Variants in PCMTD1 observed in about 807,000 individuals in gnomAD.
PCMTD1 encodes protein-L-isoaspartate (D-aspartate) O-methyltransferase domain containing 1.
PCMTD1 carries 12 observed loss-of-function variants against 37.6 expected under a neutral mutation model. That is an observed-to-expected ratio of 0.32 (90% CI 0.20 to 0.52). PCMTD1 has a LOEUF of 0.52. Among genes scored for constraint, PCMTD1 ranks in the 20% least tolerant of loss-of-function variants. The pLI is 0.97. For missense variants in PCMTD1, 235 were observed against 421.3 expected, an observed-to-expected ratio of 0.56 and a Z score of 3.87; for synonymous variants, 117 against 135.8, an observed-to-expected ratio of 0.86 and a Z score of 0.96.
Position 51,820,485 on chromosome 8 carries a change from CTTT to C in PCMTD1, c.937_939del (p.Lys313del). 4 of 1,614,036 alleles carry C rather than the reference CTTT, an allele frequency of 2.5e-6. No individual in the cohort carries two copies. Among genetic ancestry groups the C allele is most frequent in the African/African-American group, 1.3e-5 (1 of 75,064 alleles). ...TCATTGTGATCTTTTTCCTCCTCTT[CTTT>C]GTTATCCTCTTCCATTTTTTCATCC... is the stretch of plus-strand genomic sequence containing the variant. On this transcript the variant is annotated inframe_deletion, in exon 6 of 6. Coordinates refer to ENST00000522514, the MANE Select transcript of PCMTD1 (RefSeq NM_052937.4).
chr8:51,868,614 T>C (rs2038593808), intron 1 of PCMTD1, among the ~76,000 whole-genome samples: 1 of 151,938 alleles, frequency 6.6e-6, no homozygotes, highest in Admixed American at 6.6e-5. Flanking sequence ...ATATGGAAAA[T>C]TTCCTAAGGA....
intron 1 of PCMTD1, 123 bp from the exon 2 acceptor site, chr8:51,861,369 T>C (rs1189441014): frequency 1.5e-5 from 11 of 713,312 alleles, no homozygotes; most frequent in Non-Finnish European, 2.1e-5. Flanking sequence ...TGCTCCAGCA[T>C]AGTGTTAAAC....
chr8:51,867,917 T>A lies in PCMTD1; in HGVS notation c.-95-6671A>T, dbSNP rs974605383. On this transcript the variant is annotated intron_variant, in intron 1 of 5. Coordinates refer to ENST00000522514, the MANE Select transcript of PCMTD1 (RefSeq NM_052937.4). ...AATCTTTACAGAATGGTGACTATAA[T>A]AAATCACAATGCACTGTGTTATCTG... Among the ~76,000 whole-genome samples the A allele has an allele frequency of 2.0e-5, 3 of 152,214 alleles. No individual in the cohort carries two copies. In the East Asian group the frequency reaches 5.8e-4, roughly 29 times the overall value.
chr8:51,883,512 G>T (rs2038821817), intron 1 of PCMTD1, among the ~76,000 whole-genome samples: 1 of 152,108 alleles, frequency 6.6e-6, no homozygotes, highest in Non-Finnish European at 1.5e-5. Flanking sequence ...AATTATTAAT[G>T]CAATATTAAA....
intron 3 of PCMTD1, among the ~76,000 whole-genome samples, chr8:51,835,128 T>G (rs750626749): frequency 6.6e-6 from 1 of 152,198 alleles, no homozygotes; most frequent in Non-Finnish European, 1.5e-5. Flanking sequence ...CGTACTACTC[T>G]GCAGGCAGAC....
At position 51,818,626 on chromosome 8, in the gene PCMTD1, AG is replaced by A. The variant is rs1474204016; in HGVS notation, c.*1724del. ...AAAATGATATGGGGCATTTCTTAAC[AG>A]TTTAGTAATCGTCTAAGAATAATTG... On this transcript the variant is annotated 3_prime_UTR_variant, in exon 6 of 6. Coordinates refer to ENST00000522514, the MANE Select transcript of PCMTD1 (RefSeq NM_052937.4). 1 of 152,332 alleles carries A rather than the reference AG, an allele frequency of 6.6e-6. No individual in the cohort carries two copies. The highest frequency in any genetic ancestry group is 1.5e-5 in the Non-Finnish European group (1 of 68,078). The allele number at this position is 152,332 out of a possible 1,614,324, so 9.4% of individuals were successfully genotyped here.
chr8:51,851,410 T>C lies in PCMTD1; in HGVS notation c.308-5647A>G, dbSNP rs190612386. ...ACCAAGGCCCTAAGTAAACCATATC[T>C]CTAAAATGTCGAAATATCAACAACA... On this transcript the variant is annotated intron_variant, in intron 2 of 5. Transcript: ENST00000522514. Among the ~76,000 whole-genome samples, 4 of 152,318 alleles carry C rather than the reference T, an allele frequency of 2.6e-5. No individual in the cohort carries two copies. The East Asian group carries it at 7.7e-4, about 29-fold the overall frequency.
rs905803422 is a variant in PCMTD1, at chr8:51,898,936, C to T, written c.-102G>A. Reference sequence around the variant, plus strand: ...CCACTGGCGGCGGCGTTACCTGTGGCGCGGGCAGCGGCGCGCAGGCCAGGC... The same window carrying T: ...CCACTGGCGGCGGCGTTACCTGTGGTGCGGGCAGCGGCGCGCAGGCCAGGC... On this transcript the variant is annotated 5_prime_UTR_variant, in exon 1 of 6. Transcript: ENST00000522514. 25 of 1,387,716 alleles carry T rather than the reference C, an allele frequency of 1.8e-5. No individual in the cohort carries two copies. The African/African-American group carries it at 3.2e-4, about 18-fold the overall frequency. The allele number at this position is 1,387,716 out of a possible 1,614,324, so 86.0% of individuals were successfully genotyped here.
chr8:51,841,414 G>A (rs7834322), intron 3 of PCMTD1, among the ~76,000 whole-genome samples: 6,533 of 152,118 alleles, frequency 0.043, 463 homozygotes, highest in African/African-American at 0.14. Context: ...TACTGACACT[G>A]TCATACTTTC....
At chr8:51,881,441 G>A (rs1378527009) in intron 1 of PCMTD1, among the ~76,000 whole-genome samples, 1 of 152,070 alleles carries the variant, frequency 6.6e-6, no homozygotes, top group Non-Finnish European at 1.5e-5. Flanking sequence ...AGAAAAACAG[G>A]TCATAAGACA....
At chr8:51,836,566 TAAATA>T (rs1402509445) in intron 3 of PCMTD1, among the ~76,000 whole-genome samples, 1 of 152,156 alleles carries the variant, frequency 6.6e-6, no homozygotes, top group East Asian at 1.9e-4. Flanking sequence ...ATACATTTAT[TAAATA>T]AATGAACTAA....
At chr8:51,868,333 C>T (rs2038589815) in intron 1 of PCMTD1, among the ~76,000 whole-genome samples, 1 of 152,056 alleles carries the variant, frequency 6.6e-6, no homozygotes, top group Non-Finnish European at 1.5e-5. Flanking sequence ...GAAAGTAAAT[C>T]TGTCCAAAAG....
intron 2 of PCMTD1, among the ~76,000 whole-genome samples, chr8:51,846,035 T>C (rs767849905): frequency 1.4e-4 from 22 of 151,856 alleles, no homozygotes; most frequent in African/African-American, 4.6e-4. Flanking sequence ...CCCAAGAGAG[T>C]AGCTTATCTG....
intron 2 of PCMTD1, among the ~76,000 whole-genome samples, chr8:51,852,849 G>T (rs1166857612): frequency 1.3e-5 from 2 of 152,178 alleles, no homozygotes; most frequent in Admixed American, 6.5e-5. Flanking sequence ...AGAAAGAAGA[G>T]AATTTGTTAA....
intron 2 of PCMTD1, among the ~76,000 whole-genome samples, chr8:51,859,908 T>TAC (rs1554523477): frequency 3.6e-5 from 1 of 27,726 alleles, no homozygotes; most frequent in African/African-American, 4.0e-5. Context: ...CTGTTGATTT[T>TAC]GTCTTCTCAC....
intron 2 of PCMTD1, 21 bp downstream of exon 2, chr8:51,860,824 A>T: frequency 6.5e-7 from 1 of 1,543,490 alleles, no homozygotes; most frequent in South Asian, 1.2e-5. Flanking sequence ...TTAAAATAGA[A>T]TTTTACAAAA....
At chr8:51,843,682 A>G (rs571854928) in intron 3 of PCMTD1, among the ~76,000 whole-genome samples, 1 of 152,242 alleles carries the variant, frequency 6.6e-6, no homozygotes, top group Admixed American at 6.5e-5. Flanking sequence ...GTGATTATTT[A>G]AATTACATCA....
chr8:51,851,812 G>A (rs1024196252), intron 2 of PCMTD1, among the ~76,000 whole-genome samples: 7 of 151,882 alleles, frequency 4.6e-5, no homozygotes, highest in Admixed American at 1.3e-4. Flanking sequence ...CACCACGCCC[G>A]GCTAATCTGG....
intron 3 of PCMTD1, among the ~76,000 whole-genome samples, chr8:51,839,148 C>T (rs985316526): frequency 6.6e-6 from 1 of 151,546 alleles, no homozygotes; most frequent in Non-Finnish European, 1.5e-5. Flanking sequence ...ACCCACACTC[C>T]TAAATTACAC....
Sources: allele counts gnomAD v4.1 joint callset (sites outside exome capture counted in the v4.1 genomes callset), GRCh38; gene constraint gnomAD v4.1.1; transcripts MANE v1.5; gene names NCBI Gene and HGNC (gene_info 2026-07-23, HGNC 2026-07-21).